SHROOM3: variants seen among roughly 807,000 people sequenced by gnomAD.
The protein encoded by SHROOM3 is shroom family member 3, also known as protein Shroom3.
Under a neutral mutation model 138.6 loss-of-function variants are expected in SHROOM3, and 47 were observed. The ratio of observed to expected loss-of-function variants is 0.34; its 90% confidence interval spans 0.27 to 0.43. SHROOM3 has a LOEUF of 0.43. Among genes scored for constraint, SHROOM3 ranks in the 20% least tolerant of loss-of-function variants. The pLI is 1.00. For missense variants in SHROOM3, 2,491 were observed against 2,596.5 expected, an observed-to-expected ratio of 0.96 and a Z score of 0.88; for synonymous variants, 1,062 against 1,063.3, an observed-to-expected ratio of 1.00 and a Z score of 0.02.
At chr4:76,611,150 A>T (rs1734753539) in intron 2 of SHROOM3, among the ~76,000 whole-genome samples, 1 of 152,146 alleles carries the variant, frequency 6.6e-6, no homozygotes, top group Admixed American at 6.5e-5. Context: ...TTGTGCAACC[A>T]TCACCACTAC....
At chr4:76,762,594 C>T (rs1469769037) in intron 9 of SHROOM3, among the ~76,000 whole-genome samples, 1 of 152,232 alleles carries the variant, frequency 6.6e-6, no homozygotes, top group Admixed American at 6.5e-5. Context: ...TCGGTTCCTT[C>T]TTCCCTCAAT....
intron 1 of SHROOM3, among the ~76,000 whole-genome samples, chr4:76,540,130 G>A (rs1733069296): frequency 6.6e-6 from 1 of 152,244 alleles, no homozygotes; most frequent in South Asian, 2.1e-4. Flanking sequence ...TTACAGGCGT[G>A]AGCCACAGCA....
Position 76,740,225 on chromosome 4 carries a change from C to A in SHROOM3, c.2052C>A (p.Thr684=). The A allele has an allele frequency of 1.2e-6, 2 of 1,613,412 alleles. No individual in the cohort carries two copies. The highest frequency in any genetic ancestry group is 1.7e-6 in the Non-Finnish European group (2 of 1,180,024). Residue 684 remains threonine (T), a synonymous_variant, in exon 5 of 11, where the codon ACC becomes ACA. Coordinates refer to ENST00000296043, the MANE Select transcript of SHROOM3 (RefSeq NM_020859.4). This position sits in a 1 kb window ranked among gnomAD's most constrained non-coding sequence, Gnocchi z 4.0. ...GCAGCCTGGAGCTAGGCCGGGGAAC[C>A]CAGGAGGGTTACCCCGGGGGCAGGC... The part of the protein sequence containing the change: ...RHSSLELGRG[T]QEGYPGGRPT...
At position 76,692,367 on chromosome 4, in the gene SHROOM3, C is replaced by G. The variant is rs181901773; in HGVS notation, c.324-17789C>G. ...AGGAACTGGCGATGGGTTCCCTGCC[C>G]TCAGGAACTCGTCTTATAAGAGGCA... is the stretch of plus-strand genomic sequence containing the variant. On this transcript the variant is annotated intron_variant, in intron 2 of 10. Transcript: ENST00000296043. Among the ~76,000 whole-genome samples the G allele has an allele frequency of 3.4e-4, 52 of 152,328 alleles. No homozygotes were observed. The East Asian group carries it at 7.3e-3, about 21-fold the overall frequency.
In SHROOM3 at chr4:76,456,095, C is replaced by A. The variant is rs544520837; in HGVS notation, c.168+19875C>A. On this transcript the variant is annotated intron_variant, in intron 1 of 10. Coordinates refer to ENST00000296043, the MANE Select transcript of SHROOM3 (RefSeq NM_020859.4). ...AATCTCGGCTCACTGCAACCTCTGA[C>A]TCCCTGGTTCAAGCGATTCTCCTGC... Among the ~76,000 whole-genome samples the A allele has an allele frequency of 2.8e-4, 43 of 152,244 alleles. No homozygotes were observed. In the South Asian group the frequency reaches 7.9e-3, roughly 28 times the overall value.
chr4:76,448,540 A>G (rs1730860178), intron 1 of SHROOM3, among the ~76,000 whole-genome samples: 1 of 152,176 alleles, frequency 6.6e-6, no homozygotes, highest in Non-Finnish European at 1.5e-5. Flanking sequence ...CATCTCTCAG[A>G]TGGGATGACT....
chr4:76,629,501 G>C (rs1028100466), intron 2 of SHROOM3, among the ~76,000 whole-genome samples: 1 of 152,200 alleles, frequency 6.6e-6, no homozygotes, highest in Non-Finnish European at 1.5e-5. Flanking sequence ...TTATATTTTA[G>C]AATAATCACT....
At chr4:76,719,060 G>C (rs540023255) in intron 3 of SHROOM3, among the ~76,000 whole-genome samples, 6 of 152,228 alleles carry the variant, frequency 3.9e-5, no homozygotes, top group Admixed American at 2.6e-4. Context: ...CTGCTGAGCT[G>C]CTCCTCATTT....
At chr4:76,646,798 G>T (rs1399374465) in intron 2 of SHROOM3, among the ~76,000 whole-genome samples, 2 of 152,158 alleles carry the variant, frequency 1.3e-5, no homozygotes, top group African/African-American at 4.8e-5. Context: ...CAGAGAAAAG[G>T]CAACTCTTAT....
In SHROOM3 at chr4:76,756,567, G is replaced by A. The variant is rs1197629705; in HGVS notation, c.4828G>A (p.Ala1610Thr). The A allele has an allele frequency of 3.1e-6, 5 of 1,613,554 alleles. No homozygotes were observed. Among genetic ancestry groups the A allele is most frequent in the Admixed American group, 3.3e-5 (2 of 59,902 alleles). ...RLQTSIKGSE[A>T]ESTPPSFMSV... ...CCAAACTTCTATCAAGGGTTCAGAG[G>A]CTGAGTCCACACCACCCTCCTTCAT... Residue 1610 changes from alanine (A) to threonine (T), a missense_variant, in exon 8 of 11, where the codon GCT becomes ACT. By Grantham distance (58) the Ala-to-Thr change is moderately conservative. This residue lies in a region of SHROOM3 where 470 missense variants were observed against 595.0 expected (regional missense o/e 0.79). Coordinates refer to ENST00000296043, the MANE Select transcript of SHROOM3 (RefSeq NM_020859.4).
At chr4:76,491,187 G>T (rs889417892) in intron 1 of SHROOM3, among the ~76,000 whole-genome samples, 1 of 152,180 alleles carries the variant, frequency 6.6e-6, no homozygotes, top group Non-Finnish European at 1.5e-5. Context: ...CTTGAGACAT[G>T]GGCACTGACC....
At chr4:76,500,726 C>T (rs1188005474) in intron 1 of SHROOM3, among the ~76,000 whole-genome samples, 9 of 152,092 alleles carry the variant, frequency 5.9e-5, no homozygotes, top group South Asian at 2.1e-4. Flanking sequence ...GATACCTTTT[C>T]GTGCGTTCAT....
chr4:76,773,684 A>G (rs529844346), intron 10 of SHROOM3, among the ~76,000 whole-genome samples: 1 of 152,304 alleles, frequency 6.6e-6, no homozygotes, highest in South Asian at 2.1e-4. Flanking sequence ...AGCCTGGCAC[A>G]GAGGCAGCCA....
chr4:76,541,623 G>GCACACACACACACACACACACA (rs751594734), intron 1 of SHROOM3, among the ~76,000 whole-genome samples: 1 of 140,042 alleles, frequency 7.1e-6, no homozygotes, highest in Admixed American at 7.0e-5. Context: ...ACATATGTGG[G>GCACACACACACACACACACACA]CGCACACACA....
chr4:76,633,725 T>C (rs1222891424), intron 2 of SHROOM3, among the ~76,000 whole-genome samples: 1 of 151,896 alleles, frequency 6.6e-6, no homozygotes, highest in Non-Finnish European at 1.5e-5. Context: ...GGGTGGTGCC[T>C]TTGTTTCAGC....
intron 2 of SHROOM3, among the ~76,000 whole-genome samples, chr4:76,669,724 A>G (rs1162449295): frequency 1.3e-5 from 2 of 152,284 alleles, no homozygotes; most frequent in South Asian, 2.1e-4. Flanking sequence ...AGTATGTGGG[A>G]TGTTACATGA....
At chr4:76,609,144 A>G (rs749526245) in intron 2 of SHROOM3, among the ~76,000 whole-genome samples, 1 of 152,216 alleles carries the variant, frequency 6.6e-6, no homozygotes, top group African/African-American at 2.4e-5. Flanking sequence ...GAAAGCTTGT[A>G]TATGTTTATA....
intron 1 of SHROOM3, among the ~76,000 whole-genome samples, chr4:76,529,565 T>C (rs1453260247): frequency 6.6e-6 from 1 of 152,168 alleles, no homozygotes; most frequent in Non-Finnish European, 1.5e-5. Context: ...GACCTCGTGA[T>C]CCACCTGCCT....
At chr4:76,574,541 A>T (rs1207283244) in intron 2 of SHROOM3, among the ~76,000 whole-genome samples, 1 of 151,936 alleles carries the variant, frequency 6.6e-6, no homozygotes, top group Non-Finnish European at 1.5e-5. Flanking sequence ...TCATGCCTAA[A>T]CTCTTATTAG....
Sources: gnomAD v4.1 joint callset for allele counts (sites outside exome capture counted in the v4.1 genomes callset) on GRCh38, gnomAD v4.1.1 for gene constraint, gnomAD v4.1.1 regional missense constraint, Gnocchi (gnomAD v3.1) non-coding constraint, MANE v1.5 for transcripts, NCBI Gene and HGNC (gene_info 2026-07-23, HGNC 2026-07-21) for gene names.